Variants in ANKS1B observed in about 807,000 individuals in gnomAD.
ANKS1B encodes the protein ankyrin repeat and sterile alpha motif domain containing 1B, also known as ankyrin repeat and sterile alpha motif domain-containing protein 1B.
A neutral mutation model predicts 148.3 loss-of-function variants in ANKS1B; 36 were observed. The observed-to-expected ratio is 0.24, with a 90% confidence interval of 0.19 to 0.32. ANKS1B has a LOEUF of 0.32. Ranked by LOEUF, ANKS1B falls within the 10% of genes least tolerant of loss-of-function variation. The pLI, the probability that ANKS1B is intolerant of heterozygous loss-of-function variation, is 1.00. For synonymous variants in ANKS1B, 542 were observed against 560.8 expected (o/e 0.97, Z 0.47); for missense variants, 1,157 against 1,542.6 (o/e 0.75, Z 4.19).
chr12:99,292,561 C>A, intron 12 of ANKS1B, among the ~76,000 whole-genome samples: 1 of 150,366 alleles, frequency 6.7e-6, no homozygotes. Flanking sequence ...AGTGAGCAGG[C>A]AACCTACAGA....
intron 11 of ANKS1B, among the ~76,000 whole-genome samples, chr12:99,440,236 ATAATT>A (rs1254205920): frequency 6.6e-6 from 1 of 151,804 alleles, no homozygotes; most frequent in Non-Finnish European, 1.5e-5. Context: ...ACCTATGTAA[ATAATT>A]AAAGTTCATC....
Position 99,735,532 on chromosome 12 carries a change from G to C in ANKS1B, c.1128+37390C>G, listed in dbSNP as rs575293168. On this transcript the variant is annotated intron_variant, in intron 8 of 26. Coordinates refer to ENST00000683438, the MANE Select transcript of ANKS1B (RefSeq NM_001352186.2). Reference sequence around the variant, plus strand: ...CCCAGAGGAAGTGGATAAATTCCTGGACATATACAGCCTACCAAGAATAAA... The same window carrying C: ...CCCAGAGGAAGTGGATAAATTCCTGCACATATACAGCCTACCAAGAATAAA... Among the ~76,000 whole-genome samples, 3 of 152,076 alleles carry C rather than the reference G, an allele frequency of 2.0e-5. No homozygotes were observed. The South Asian group carries it at 6.2e-4, about 32-fold the overall frequency.
Position 99,400,431 on chromosome 12 carries a change from A to G in ANKS1B, c.1576-620T>C, listed in dbSNP as rs1218159033. Reference sequence around the variant, plus strand: ...TAAGAATTTTAATTAATCCCCAAATAGCAAGAAAAGTCAATTTAAACATAA... The same window carrying G: ...TAAGAATTTTAATTAATCCCCAAATGGCAAGAAAAGTCAATTTAAACATAA... On this transcript the variant is annotated intron_variant, in intron 11 of 26. Transcript: ENST00000683438. 5.5e-5 allele frequency among the ~76,000 whole-genome samples: 8 copies of G among 145,906 alleles called. 2 individuals carry two copies. Among genetic ancestry groups the G allele is most frequent in the Non-Finnish European group, 1.2e-4 (8 of 66,026 alleles).
At chr12:99,542,242 A>C (rs2097133047) in intron 9 of ANKS1B, among the ~76,000 whole-genome samples, 1 of 152,218 alleles carries the variant, frequency 6.6e-6, no homozygotes, top group Non-Finnish European at 1.5e-5. Flanking sequence ...AATACTAAAA[A>C]AACCAATTGT....
chr12:98,919,662 T>C (rs762744205), intron 17 of ANKS1B, among the ~76,000 whole-genome samples: 7 of 152,206 alleles, frequency 4.6e-5, no homozygotes, highest in Non-Finnish European at 7.3e-5. Flanking sequence ...AAGAACATTT[T>C]TGTCATTTGT....
intron 19 of ANKS1B, among the ~76,000 whole-genome samples, chr12:98,814,538 C>T (rs2099123975): frequency 6.6e-6 from 1 of 152,160 alleles, no homozygotes; most frequent in South Asian, 2.1e-4. Flanking sequence ...GAAGATTCCT[C>T]ATATTTCCTG....
At position 99,834,498 on chromosome 12, in the gene ANKS1B, A is replaced by T. The variant is rs114012477; in HGVS notation, c.135-9109T>A. Among the ~76,000 whole-genome samples, 1,195 of 152,332 alleles carry T rather than the reference A, an allele frequency of 7.8e-3. 16 individuals carry two copies. Among genetic ancestry groups the T allele is most frequent in the African/African-American group, 0.027 (1,130 of 41,576 alleles). On this transcript the variant is annotated intron_variant, in intron 1 of 26. Transcript: ENST00000683438. ...TTATATTATTTGCACTAATGTAACA[A>T]ATCAGATTAGTAGATTTTAGAATAA...
chr12:99,043,452 C>A (rs1052693493), intron 17 of ANKS1B, among the ~76,000 whole-genome samples: 10 of 152,282 alleles, frequency 6.6e-5, no homozygotes, highest in African/African-American at 2.2e-4. Flanking sequence ...TTAGTTTCTG[C>A]ATTTAAGAAA....
rs548920152 is a variant in ANKS1B at position 99,107,481 on chromosome 12, T to TG, written c.2527-22459dup. Among the ~76,000 whole-genome samples the TG allele has an allele frequency of 2.5e-3, 377 of 152,344 alleles. 4 individuals are homozygous for TG. Among genetic ancestry groups the TG allele is most frequent in the Middle Eastern group, 0.017 (5 of 294 alleles). ...CCTGTAACATCACAAGGACTGTCTTTGGGGTATCCATTTCTATAAAAAGAA... is the reference window on the plus strand; with the variant it reads ...CCTGTAACATCACAAGGACTGTCTTTGGGGGTATCCATTTCTATAAAAAGAA... On this transcript the variant is annotated intron_variant, in intron 15 of 26. Transcript: ENST00000683438.
At chr12:99,732,490 C>T (rs1022601826) in intron 8 of ANKS1B, among the ~76,000 whole-genome samples, 4 of 151,834 alleles carry the variant, frequency 2.6e-5, no homozygotes, top group African/African-American at 9.7e-5. Context: ...TGAAAGAAGC[C>T]AGGCACAAAA....
chr12:98,891,584 T>C (rs946832253), intron 17 of ANKS1B, among the ~76,000 whole-genome samples: 6 of 152,174 alleles, frequency 3.9e-5, no homozygotes, highest in Non-Finnish European at 8.8e-5. Context: ...GGAAGATAAA[T>C]GCATTCACGT....
At chr12:99,798,013 C>T (rs765843755) in intron 4 of ANKS1B, among the ~76,000 whole-genome samples, 50 of 151,742 alleles carry the variant, frequency 3.3e-4, no homozygotes, top group Non-Finnish European at 6.0e-4. Flanking sequence ...GTTTTAAAGT[C>T]GTTTTTAGGT....
At chr12:99,200,452 A>T (rs2081941241) in intron 14 of ANKS1B, among the ~76,000 whole-genome samples, 1 of 152,232 alleles carries the variant, frequency 6.6e-6, no homozygotes, top group Non-Finnish European at 1.5e-5. Context: ...ACTATGTAGC[A>T]GATTCTAGTC....
rs142676192 is a variant in ANKS1B at position 99,035,974 on chromosome 12, G to C, written c.2778+17183C>G. On this transcript the variant is annotated intron_variant, in intron 17 of 26. Transcript: ENST00000683438. The stretch of plus-strand genomic sequence containing the variant: ...GGGCACATCCTGATGCAGACAGCCT[G>C]TTGGCTCTGACAGCAGCTCTCCCAT... Among the ~76,000 whole-genome samples the C allele has an allele frequency of 3.3e-4, 51 of 152,320 alleles. No individual in the cohort carries two copies. The East Asian group carries it at 8.9e-3, about 27-fold the overall frequency.
At chr12:98,827,632 T>G (rs1424210909) in intron 19 of ANKS1B, among the ~76,000 whole-genome samples, 1 of 152,188 alleles carries the variant, frequency 6.6e-6, no homozygotes, top group African/African-American at 2.4e-5. Context: ...TGAGTGTTTA[T>G]ACATAGGTAG....
intron 4 of ANKS1B, among the ~76,000 whole-genome samples, chr12:99,783,241 G>C (rs1292904738): frequency 1.3e-5 from 2 of 150,628 alleles, no homozygotes; most frequent in African/African-American, 4.9e-5. Flanking sequence ...TTTAAACACA[G>C]GTAACCTACC....
intron 2 of ANKS1B, among the ~76,000 whole-genome samples, chr12:99,820,124 AT>A (rs2082330777): frequency 3.9e-5 from 6 of 151,918 alleles, no homozygotes; most frequent in Admixed American, 3.9e-4. Flanking sequence ...ATTAACCATG[AT>A]TTTTTCCTAT....
chr12:99,317,276 G>A (rs1042087563), intron 12 of ANKS1B, among the ~76,000 whole-genome samples: 7 of 152,116 alleles, frequency 4.6e-5, no homozygotes, highest in South Asian at 2.1e-4. Context: ...CCATTTTCAC[G>A]ATATTGATTC....
At chr12:99,798,600 G>A (rs1267625754) in intron 4 of ANKS1B, among the ~76,000 whole-genome samples, 2 of 151,870 alleles carry the variant, frequency 1.3e-5, no homozygotes, top group African/African-American at 4.8e-5. Flanking sequence ...AATACAATGT[G>A]TCCAGAGAAG....
Sources: gnomAD v4.1 joint callset for allele counts (sites outside exome capture counted in the v4.1 genomes callset) on GRCh38, gnomAD v4.1.1 for gene constraint, MANE v1.5 for transcripts, NCBI Gene and HGNC (gene_info 2026-07-23, HGNC 2026-07-21) for gene names.